MICA: variants seen among roughly 807,000 people sequenced by gnomAD.
MICA encodes MHC class I polypeptide-related sequence A.
In MICA, 18 loss-of-function variants were observed where a neutral mutation model predicts 34.3. The observed-to-expected ratio is 0.52, with a 90% confidence interval of 0.36 to 0.78. The LOEUF (loss-of-function observed/expected upper bound fraction) is 0.78. MICA is among the 30% of genes least tolerant of loss of function. The pLI is 0.00. For missense variants in MICA, 333 were observed against 409.4 expected, an observed-to-expected ratio of 0.81 and a Z score of 1.61; for synonymous variants, 135 against 156.9, an observed-to-expected ratio of 0.86 and a Z score of 1.04.
rs1249630212 is a variant in MICA at position 31,412,169 on chromosome 6, G to A, written c.836G>A (p.Arg279Lys). 9 of 1,612,506 alleles carry A rather than the reference G, an allele frequency of 5.6e-6. No homozygotes were observed. Among genetic ancestry groups the A allele is most frequent in the Non-Finnish European group, 7.6e-6 (9 of 1,179,764 alleles). The change falls in exon 4 of 6, where the codon AGG (arginine) becomes AAG (lysine). Residue 279 changes from arginine to lysine, a missense_variant. Arg to Lys is a conservative substitution (Grantham distance 26). Transcript: ENST00000449934. ...AGGATTTGCCGAGGAGAGGAGCAGA[G>A]GTTCACCTGCTACATGGAACACAGC... ...ATRICRGEEQ[R>K]FTCYMEHSGN...
At chr6:31,407,052 T>G (rs1315534566) in intron 1 of MICA, among the ~76,000 whole-genome samples, 1 of 151,906 alleles carries the variant, frequency 6.6e-6, no homozygotes, top group Non-Finnish European at 1.5e-5. Flanking sequence ...TGTGGTTCCA[T>G]ATGCATTTTA....
Position 31,414,965 on chromosome 6 carries a change from A to G in MICA, c.*30-47A>G, listed in dbSNP as rs185411009. 471 of 1,429,918 alleles carry G rather than the reference A, an allele frequency of 3.3e-4. 2 individuals carry two copies. The Middle Eastern group carries it at 5.1e-3, about 15-fold the overall frequency. The allele number at this position is 1,429,918 out of a possible 1,614,324, so 88.6% of individuals were successfully genotyped here. On this transcript the variant is annotated intron_variant, in intron 5 of 5. Coordinates refer to ENST00000449934, the MANE Select transcript of MICA (RefSeq NM_001177519.3). ...AGAAAAGTCCCCAGGGAATAAACAC[A>G]ACACTGCACCCAGTGGAGCATTTAC...
Sources: allele counts gnomAD v4.1 joint callset (sites outside exome capture counted in the v4.1 genomes callset), GRCh38; gene constraint gnomAD v4.1.1; transcripts MANE v1.5; gene names NCBI Gene and HGNC (gene_info 2026-07-23, HGNC 2026-07-21).